OR14A2: variants seen among roughly 807,000 people sequenced by gnomAD.
The protein encoded by OR14A2 is olfactory receptor family 14 subfamily A member 2.
For synonymous variants in OR14A2, 114 were observed against 58.6 expected (o/e 1.95, Z -4.32); for missense variants, 237 against 152.9 (o/e 1.55, Z -2.90).
the OR14A2 span, among the ~76,000 whole-genome samples, chr1:247,744,491 A>G: frequency 6.6e-6 from 1 of 152,234 alleles, no homozygotes; most frequent in East Asian, 1.9e-4. The surrounding 1 kb of genome is among the most constrained non-coding windows in gnomAD (Gnocchi z 4.3). Flanking sequence ...TTTGGGACAA[A>G]TTGGTTAGGG....
At chr1:247,724,916 C>T (rs1168538853), upstream of OR14A2, among the ~76,000 whole-genome samples, 3 of 151,628 alleles carry the variant, frequency 2.0e-5, no homozygotes, top group South Asian at 2.1e-4. Context: ...AAAATATTTC[C>T]CTCAATTATT....
At chr1:247,725,660 T>G (rs1438018292), upstream of OR14A2, among the ~76,000 whole-genome samples, 1 of 136,786 alleles carries the variant, frequency 7.3e-6, no homozygotes, top group Non-Finnish European at 1.6e-5. Flanking sequence ...TAGGTATATC[T>G]CCCAATGCTA....
the OR14A2 span, among the ~76,000 whole-genome samples, chr1:247,731,250 G>T: frequency 6.6e-6 from 1 of 151,512 alleles, no homozygotes; most frequent in Non-Finnish European, 1.5e-5. Context: ...ATTGATAGTT[G>T]CCCCTCCAAA....
chr1:247,744,381 A>G, the OR14A2 span, among the ~76,000 whole-genome samples: 1 of 152,198 alleles, frequency 6.6e-6, no homozygotes, highest in African/African-American at 2.4e-5. This position sits in a 1 kb window ranked among gnomAD's most constrained non-coding sequence, Gnocchi z 4.3. Context: ...TTGGATCTTC[A>G]AATACATAAA....
chr1:247,724,082 T>C (rs1300808570), upstream of OR14A2: 2 of 649,400 alleles, frequency 3.1e-6, no homozygotes, highest in Non-Finnish European at 5.6e-6. Context: ...TGAGAAAATA[T>C]GCAAAAAAAG....
chr1:247,724,597 G>C (rs548751782), upstream of OR14A2, among the ~76,000 whole-genome samples: 1 of 152,024 alleles, frequency 6.6e-6, no homozygotes, highest in African/African-American at 2.4e-5. Context: ...AGTAAGCAAG[G>C]GAAAATAAAC....
At chr1:247,745,092 G>A in the OR14A2 span, among the ~76,000 whole-genome samples, 1 of 151,852 alleles carries the variant, frequency 6.6e-6, no homozygotes, top group East Asian at 1.9e-4. Context: ...AAATTAAAGG[G>A]GCTATGACTC....
At chr1:247,738,051 ATAC>A in the OR14A2 span, among the ~76,000 whole-genome samples, 1 of 152,220 alleles carries the variant, frequency 6.6e-6, no homozygotes, top group Non-Finnish European at 1.5e-5. Flanking sequence ...GAAAAAAATG[ATAC>A]TATAATCACA....
At chr1:247,723,926 T>C (rs1209165664) in exon 1 of OR14A2, 3 of 716,908 alleles carry the variant, frequency 4.2e-6, no homozygotes, top group Admixed American at 2.0e-5. Context: ...ATGAGAAGGT[T>C]ACTCATTAGG....
chr1:247,735,671 A>C, the OR14A2 span, among the ~76,000 whole-genome samples: 1 of 152,226 alleles, frequency 6.6e-6, no homozygotes, highest in African/African-American at 2.4e-5. Context: ...TTGAAGAAGG[A>C]AGTGCCTAAT....
At chr1:247,738,757 T>C in the OR14A2 span, 1 of 780,862 alleles carries the variant, frequency 1.3e-6, no homozygotes, top group Non-Finnish European at 2.4e-6. Flanking sequence ...CTCCTCATGA[T>C]TCTGGACCAT....
chr1:247,737,314 A>C, the OR14A2 span, among the ~76,000 whole-genome samples: 1 of 152,114 alleles, frequency 6.6e-6, no homozygotes, highest in African/African-American at 2.4e-5. Flanking sequence ...TCAGTTGAAA[A>C]ACTGCTGAAC....
At chr1:247,737,842 T>A in the OR14A2 span, among the ~76,000 whole-genome samples, 1 of 152,132 alleles carries the variant, frequency 6.6e-6, no homozygotes, top group Non-Finnish European at 1.5e-5. Flanking sequence ...GCATCTCTGG[T>A]TAGATGCAGT....
chr1:247,742,876 A>G, the OR14A2 span, among the ~76,000 whole-genome samples: 1 of 152,232 alleles, frequency 6.6e-6, no homozygotes, highest in Non-Finnish European at 1.5e-5. Context: ...TAGGAATTCT[A>G]CAATTAAAAG....
chr1:247,739,514 TA>T, the OR14A2 span: 9 of 780,664 alleles, frequency 1.2e-5, no homozygotes, highest in African/African-American at 1.5e-4. Flanking sequence ...CCGCTCTGAG[TA>T]AAGTCCTGTG....
chr1:247,737,899 G>T, the OR14A2 span, among the ~76,000 whole-genome samples: 1 of 152,028 alleles, frequency 6.6e-6, no homozygotes, highest in Non-Finnish European at 1.5e-5. Flanking sequence ...ATCCTTCCTA[G>T]AATATTATGT....
the OR14A2 span, among the ~76,000 whole-genome samples, chr1:247,733,156 T>A: frequency 7.2e-5 from 11 of 152,290 alleles, no homozygotes; most frequent in Admixed American, 2.0e-4. Flanking sequence ...AGTTTATTAT[T>A]TCTGTGGCTT....
At chr1:247,741,084 T>G in the OR14A2 span, among the ~76,000 whole-genome samples, 1 of 152,218 alleles carries the variant, frequency 6.6e-6, no homozygotes, top group Non-Finnish European at 1.5e-5. Context: ...CTTAGATTTT[T>G]AGAGTCTAGC....
chr1:247,723,724 G>C (rs955090807), exon 1 of OR14A2: 2 of 718,458 alleles, frequency 2.8e-6, no homozygotes, highest in Admixed American at 4.0e-5. Flanking sequence ...TATCTCTCCT[G>C]CTGAGAAGGA....
Sources: allele counts gnomAD v4.1 joint callset (sites outside exome capture counted in the v4.1 genomes callset), GRCh38; gene constraint gnomAD v4.1.1; non-coding constraint Gnocchi (gnomAD v3.1); transcripts MANE v1.5; gene names NCBI Gene and HGNC (gene_info 2026-07-23, HGNC 2026-07-21).